Variants in SEMA5A observed in about 807,000 individuals in gnomAD.
SEMA5A encodes the protein semaphorin-5A.
Under a neutral mutation model 135.5 loss-of-function variants are expected in SEMA5A, and 55 were observed. The observed-to-expected ratio is 0.41, with a 90% CI of 0.33 to 0.51. The LOEUF is 0.51. SEMA5A is among the 20% of genes least tolerant of loss of function. The pLI, the probability that SEMA5A is intolerant of heterozygous loss-of-function variation, is 0.37. For synonymous variants in SEMA5A, 580 were observed against 546.5 expected, an observed-to-expected ratio of 1.06 and a Z score of -0.85; for missense variants, 1,290 against 1,419.9, an observed-to-expected ratio of 0.91 and a Z score of 1.47.
intron 16 of SEMA5A, among the ~76,000 whole-genome samples, 191 bp from the exon 17 acceptor site, chr5:9,066,837 A>T (rs1455781436): frequency 2.0e-5 from 3 of 152,190 alleles, no homozygotes; most frequent in African/African-American, 7.2e-5. Flanking sequence ...TGTTCAAGAC[A>T]TCTCCAAAAG....
intron 16 of SEMA5A, among the ~76,000 whole-genome samples, chr5:9,101,284 A>G (rs956960071): frequency 1.3e-5 from 2 of 152,210 alleles, no homozygotes; most frequent in Non-Finnish European, 2.9e-5. Context: ...AGTGGGGGAA[A>G]CAAGCAGGCC....
At chr5:9,068,646 G>T (rs1396784654) in intron 16 of SEMA5A, among the ~76,000 whole-genome samples, 1 of 152,124 alleles carries the variant, frequency 6.6e-6, no homozygotes, top group Non-Finnish European at 1.5e-5. Flanking sequence ...AGGTATGGAG[G>T]TCTGATAACT....
intron 12 of SEMA5A, among the ~76,000 whole-genome samples, chr5:9,149,230 G>A (rs573980875): frequency 6.6e-6 from 1 of 152,316 alleles, no homozygotes; most frequent in East Asian, 1.9e-4. Context: ...GAAGAGCTGA[G>A]GAGTTTCAAC....
At chr5:9,444,844 TG>T (rs775500590) in intron 1 of SEMA5A, among the ~76,000 whole-genome samples, 3 of 152,162 alleles carry the variant, frequency 2.0e-5, no homozygotes, top group Non-Finnish European at 4.4e-5. Context: ...CTTTGCCTCT[TG>T]GTTTGCCCGC....
chr5:9,072,220 A>G (rs1737807010), intron 16 of SEMA5A, among the ~76,000 whole-genome samples: 1 of 152,204 alleles, frequency 6.6e-6, no homozygotes, highest in African/African-American at 2.4e-5. Flanking sequence ...GAGACAACTT[A>G]TGGGAGACCC....
At chr5:9,227,024 C>G in intron 6 of SEMA5A, 57 bp from the exon 7 acceptor site, 1 of 891,346 alleles carries the variant, frequency 1.1e-6, no homozygotes, top group Non-Finnish European at 1.5e-6. Flanking sequence ...TAATGATAAA[C>G]ATGCTAACAA....
intron 5 of SEMA5A, among the ~76,000 whole-genome samples, chr5:9,305,700 G>A (rs1751825970): frequency 1.5e-5 from 1 of 66,690 alleles, no homozygotes; most frequent in African/African-American, 4.7e-5. Context: ...TATACTGTGT[G>A]TGTGTGCGTA....
intron 3 of SEMA5A, among the ~76,000 whole-genome samples, chr5:9,373,861 T>C (rs1755245134): frequency 6.6e-6 from 1 of 152,206 alleles, no homozygotes; most frequent in African/African-American, 2.4e-5. Context: ...AACAGGAGCA[T>C]GCTCTCTAAA....
chr5:9,476,421 AT>A (rs1389750057), intron 1 of SEMA5A, among the ~76,000 whole-genome samples: 2 of 151,930 alleles, frequency 1.3e-5, no homozygotes, highest in African/African-American at 4.8e-5. Context: ...CATTTCTTTC[AT>A]TCTGAGTGAA....
At chr5:9,308,209 G>C (rs951826135) in intron 5 of SEMA5A, among the ~76,000 whole-genome samples, 2 of 152,154 alleles carry the variant, frequency 1.3e-5, no homozygotes, top group Non-Finnish European at 2.9e-5. Context: ...ACAGGACACT[G>C]TATCCCTGGC....
chr5:9,476,712 T>C (rs1759679715), intron 1 of SEMA5A, among the ~76,000 whole-genome samples: 1 of 152,198 alleles, frequency 6.6e-6, no homozygotes, highest in Admixed American at 6.5e-5. Context: ...TCAGGTGACA[T>C]ACTTTTCCAT....
At chr5:9,210,891 G>A (rs1054647239) in intron 8 of SEMA5A, among the ~76,000 whole-genome samples, 2 of 152,182 alleles carry the variant, frequency 1.3e-5, no homozygotes, top group African/African-American at 4.8e-5. Flanking sequence ...ATAACTACAA[G>A]TAACAGATAC....
rs755084228 is a variant in SEMA5A at position 9,136,587 on chromosome 5, A to G, written c.1516T>C (p.Trp506Arg). 1.2e-6 allele frequency: 2 copies of G among 1,614,158 alleles called. No individual in the cohort carries two copies. Among genetic ancestry groups the G allele is most frequent in the Non-Finnish European group, 1.7e-6 (2 of 1,180,040 alleles). The change falls in exon 13 of 23, where the codon TGG (tryptophan) becomes CGG (arginine). Residue 506 changes from tryptophan (W) to arginine (R), a missense_variant. Transcript: ENST00000382496. Reference sequence around the variant, plus strand: ...GTGCATTTCTTCATTACCACATCCCAGCCACAGTAAGGGTCCTGGGCCCCA... The same window carrying G: ...GTGCATTTCTTCATTACCACATCCCGGCCACAGTAAGGGTCCTGGGCCCCA... ...CIGAQDPYCG[W>R]DVVMKKCTSL...
At chr5:9,517,230 G>A (rs1212234772) in intron 1 of SEMA5A, 1 of 152,138 alleles carries the variant, frequency 6.6e-6, no homozygotes, top group African/African-American at 2.4e-5. Flanking sequence ...AAGCCTATGG[G>A]GAATGCCACA....
At chr5:9,112,010 C>G (rs1740270462) in intron 15 of SEMA5A, among the ~76,000 whole-genome samples, 2 of 152,216 alleles carry the variant, frequency 1.3e-5, no homozygotes, top group Admixed American at 1.3e-4. Context: ...TCCCCTTTCT[C>G]TAGTCCCCAA....
chr5:9,453,191 G>T (rs1469627970), intron 1 of SEMA5A, among the ~76,000 whole-genome samples: 1 of 152,128 alleles, frequency 6.6e-6, no homozygotes, highest in Non-Finnish European at 1.5e-5. Flanking sequence ...TTACATATTT[G>T]CAAATTCACC....
intron 3 of SEMA5A, among the ~76,000 whole-genome samples, chr5:9,352,797 A>G (rs1754185866): frequency 6.6e-6 from 1 of 152,172 alleles, no homozygotes; most frequent in Admixed American, 6.5e-5. Flanking sequence ...AAGTTTTATC[A>G]GAACACAGCC....
chr5:9,197,785 T>TGTGTGTGTGTATG (rs1561011433), intron 9 of SEMA5A, among the ~76,000 whole-genome samples: 1 of 117,862 alleles, frequency 8.5e-6, no homozygotes, highest in South Asian at 2.8e-4. Context: ...TGTGTGTGTG[T>TGTGTGTGTGTATG]TTTAACCCAG....
At chr5:9,420,716 G>T (rs1757435894) in intron 2 of SEMA5A, among the ~76,000 whole-genome samples, 1 of 152,094 alleles carries the variant, frequency 6.6e-6, no homozygotes, top group Non-Finnish European at 1.5e-5. Context: ...GAACAACAGG[G>T]TTAGAATTCA....
Sources: gnomAD v4.1 joint callset for allele counts (sites outside exome capture counted in the v4.1 genomes callset) on GRCh38, gnomAD v4.1.1 for gene constraint, MANE v1.5 for transcripts, NCBI Gene and HGNC (gene_info 2026-07-23, HGNC 2026-07-21) for gene names.